Variants in ODF2 observed in about 807,000 individuals in gnomAD.
ODF2 encodes outer dense fiber protein 2.
Under a neutral mutation model 110.2 loss-of-function variants are expected in ODF2, and 47 were observed. The ratio of observed to expected loss-of-function variants is 0.43; its 90% CI spans 0.34 to 0.54. The LOEUF (loss-of-function observed/expected upper bound fraction) is 0.54, where lower values mean the gene tolerates loss of function less well. Ranked by LOEUF, ODF2 falls within the 20% of genes least tolerant of loss-of-function variation. ODF2 has a pLI of 0.03. For missense variants in ODF2, 812 were observed against 1,054.5 expected, an observed-to-expected ratio of 0.77 and a Z score of 3.19; for synonymous variants, 352 against 397.7, an observed-to-expected ratio of 0.89 and a Z score of 1.37.
chr9:128,469,583 A>T, intron 5 of ODF2: 1 of 540,612 alleles, frequency 1.8e-6, no homozygotes, highest in Non-Finnish European at 3.3e-6. Context: ...GGTGCTCCAC[A>T]TGGGTGGTCC....
intron 4 of ODF2, among the ~76,000 whole-genome samples, chr9:128,468,670 G>C (rs1838927048): frequency 2.0e-5 from 3 of 152,142 alleles, no homozygotes; most frequent in Non-Finnish European, 2.9e-5. Flanking sequence ...TTACAGGCAT[G>C]CACCACCATG....
intron 1 of ODF2, chr9:128,456,603 G>A (rs1249115089): frequency 3.3e-6 from 5 of 1,520,140 alleles, no homozygotes; most frequent in Non-Finnish European, 4.4e-6. Flanking sequence ...TCTCTCCGCC[G>A]ACAGAGGCTC....
chr9:128,466,620 A>C (rs80005172), intron 4 of ODF2, among the ~76,000 whole-genome samples: 3,696 of 150,706 alleles, frequency 0.025, 148 homozygotes, highest in African/African-American at 0.086. Flanking sequence ...TCCCCATCAC[A>C]AGGAGTAAGT....
chr9:128,456,679 A>G (rs2131385466), intron 1 of ODF2: 3 of 1,420,686 alleles, frequency 2.1e-6, no homozygotes, highest in Non-Finnish European at 2.8e-6. Context: ...GGGCCTCCAC[A>G]TGGCAGTCAC....
rs1564502892 is a variant in ODF2 at position 128,482,673 on chromosome 9, G to A, written c.916-143G>A. 1.5e-5 allele frequency: 8 copies of A among 543,550 alleles called. No homozygotes were observed. The East Asian group carries it at 2.1e-4, about 15-fold the overall frequency. 33.7% of individuals were successfully genotyped at this position (543,550 alleles called of 1,614,324 possible). Reference sequence around the variant, plus strand: ...AAATGTTTTAATGCATATGTTAGGTGCTTCCTACCAGAATCTCTGACATGG... The same window carrying A: ...AAATGTTTTAATGCATATGTTAGGTACTTCCTACCAGAATCTCTGACATGG... On this transcript the variant is annotated intron_variant, in intron 9 of 20. Transcript: ENST00000604420.
chr9:128,492,744 T>A, exon 16 of ODF2: 1 of 1,614,218 alleles, frequency 6.2e-7, no homozygotes. Context: ...GCTGCCCAGC[T>A]AGAACGCTGT....
At chr9:128,460,525 T>A in intron 3 of ODF2, 25 bp from the exon 3 acceptor site, 4 of 1,610,746 alleles carry the variant, frequency 2.5e-6, no homozygotes, top group Non-Finnish European at 3.4e-6. Context: ...CAACCATTTT[T>A]GTGTTGTCCT....
rs373886478 is a variant in ODF2 at position 128,460,567 on chromosome 9, C to CCGT, written c.124-373_124-372insTCG. 6 of 1,613,714 alleles carry CCGT rather than the reference C, an allele frequency of 3.7e-6. No individual in the cohort carries two copies. The African/African-American group carries it at 5.3e-5, about 14-fold the overall frequency. ...CCTGCCAGAAGCCAACCATGAAGGA[C>CCGT]CGCTCTTCAACTCCCCCCTTACATG... On this transcript the variant is annotated intron_variant, in intron 3 of 20. Transcript: ENST00000604420.
intron 14 of ODF2, 96 bp downstream of exon 14, chr9:128,488,121 G>C (rs1387961327): frequency 7.1e-7 from 1 of 1,416,668 alleles, no homozygotes; most frequent in Non-Finnish European, 9.7e-7. Flanking sequence ...TCTTGACTAA[G>C]AGGGAGTCAG....
chr9:128,477,162 G>T (rs532808182), intron 8 of ODF2, among the ~76,000 whole-genome samples: 1 of 151,332 alleles, frequency 6.6e-6, no homozygotes, highest in East Asian at 2.0e-4. Context: ...AACCCAGGAG[G>T]GGGGAAGTTG....
At chr9:128,474,639 C>T (rs1268490515) in intron 8 of ODF2, among the ~76,000 whole-genome samples, 1 of 142,186 alleles carries the variant, frequency 7.0e-6, no homozygotes, top group Non-Finnish European at 1.5e-5. Flanking sequence ...CCAGCCTCAG[C>T]GACAGAGCGA....
chr9:128,470,843 ATT>A (rs946562837), intron 5 of ODF2, among the ~76,000 whole-genome samples: 16 of 151,996 alleles, frequency 1.1e-4, no homozygotes, highest in African/African-American at 3.9e-4. Context: ...GTTAACTGAG[ATT>A]GCACCCATAA....
Position 128,481,572 on chromosome 9 carries a change from C to G in ODF2, c.844-8C>G. On this transcript the variant is annotated splice_polypyrimidine_tract_variant and splice_region_variant and intron_variant, in intron 8 of 20. Coordinates refer to ENST00000604420, the Ensembl canonical transcript of ODF2. ...TGACTTGACTTTTTCCTTTGCCTTT[C>G]TTTGAAGGATTCTGAAAGACTAATG... The G allele has an allele frequency of 6.2e-7, 1 of 1,610,606 alleles. No homozygotes were observed. The highest frequency in any genetic ancestry group is 8.5e-7 in the Non-Finnish European group (1 of 1,178,030).
rs571317179 is a variant in ODF2 at position 128,481,728 on chromosome 9, C to A, written c.915+77C>A. 17 of 1,209,526 alleles carry A rather than the reference C, an allele frequency of 1.4e-5. No individual in the cohort carries two copies. In the East Asian group the frequency reaches 3.8e-4, roughly 27 times the overall value. 74.9% of individuals were successfully genotyped at this position (1,209,526 alleles called of 1,614,324 possible). A position where few individuals can be genotyped will look rare whatever the true frequency, so the allele number is the denominator to read the frequency against. ...CGTTCCACTACAAAGTGTAGAGGTG[C>A]TTGGATCAAGGCAGGAGGGCTGGAG... On this transcript the variant is annotated intron_variant, in intron 9 of 20. Transcript: ENST00000604420.
chr9:128,470,778 T>C (rs1196761128), intron 5 of ODF2, among the ~76,000 whole-genome samples: 1 of 152,148 alleles, frequency 6.6e-6, no homozygotes, highest in Non-Finnish European at 1.5e-5. Context: ...GTACTGAGTT[T>C]CCTCATCTAC....
At chr9:128,499,798 T>G (rs568324137) in intron 20 of ODF2, among the ~76,000 whole-genome samples, 149 of 152,202 alleles carry the variant, frequency 9.8e-4, no homozygotes, top group African/African-American at 3.5e-3. Context: ...TTTGTAGAGA[T>G]AGAGTCTCAC....
rs777212227 is a variant in ODF2, at chr9:128,461,111, A to T, written c.249+44A>T. On this transcript the variant is annotated intron_variant, in intron 4 of 20. Transcript: ENST00000604420. ...AGGCTTTTCTTCTCGGACTGCTCAGATCCTAGCAGGCCTCAGCCTCGGTAT... is the reference window on the plus strand; with the variant it reads ...AGGCTTTTCTTCTCGGACTGCTCAGTTCCTAGCAGGCCTCAGCCTCGGTAT... The T allele has an allele frequency of 5.6e-6, 9 of 1,599,160 alleles. No individual in the cohort carries two copies. The South Asian group carries it at 8.9e-5, about 16-fold the overall frequency.
At chr9:128,480,090 T>G (rs769766922) in intron 8 of ODF2, among the ~76,000 whole-genome samples, 1 of 152,124 alleles carries the variant, frequency 6.6e-6, no homozygotes, top group Non-Finnish European at 1.5e-5. Flanking sequence ...GATTACAACA[T>G]GCACTCCAGC....
At chr9:128,498,670 T>A in intron 19 of ODF2, 95 bp downstream of exon 19, 1 of 706,774 alleles carries the variant, frequency 1.4e-6, no homozygotes, top group Non-Finnish European at 2.4e-6. Context: ...GGGCACACAG[T>A]AGTACCCGCT....
Sources: allele counts gnomAD v4.1 joint callset (sites outside exome capture counted in the v4.1 genomes callset), GRCh38; gene constraint gnomAD v4.1.1; transcripts MANE v1.5; gene names NCBI Gene and HGNC (gene_info 2026-07-23, HGNC 2026-07-21).